The following COL28A1 variants were observed in gnomAD, a reference collection of about 807,000 sequenced individuals.
COL28A1 encodes collagen type XXVIII alpha 1 chain, also known as collagen alpha-1(XXVIII) chain.
COL28A1 carries 161 observed loss-of-function variants against 150.2 expected under a neutral mutation model. That is an observed-to-expected ratio of 1.07 (90% CI 0.94 to 1.22). The LOEUF (loss-of-function observed/expected upper bound fraction) is 1.22. COL28A1 is among the 50% of genes most tolerant of loss of function. The pLI is 0.00. For synonymous variants in COL28A1, 552 were observed against 469.7 expected, an observed-to-expected ratio of 1.18 and a Z score of -2.26; for missense variants, 1,617 against 1,388.3, an observed-to-expected ratio of 1.16 and a Z score of -2.62.
downstream of COL28A1, among the ~76,000 whole-genome samples, chr7:7,354,065 T>C (rs1470013790): frequency 6.6e-6 from 1 of 152,048 alleles, no homozygotes; most frequent in Non-Finnish European, 1.5e-5. Context: ...GGTGTCACTC[T>C]GACTGCAACC....
At chr7:7,490,428 T>G (rs990531372) in intron 12 of COL28A1, 150 bp downstream of exon 12, 8 of 462,350 alleles carry the variant, frequency 1.7e-5, no homozygotes, top group Non-Finnish European at 3.1e-5. Context: ...GACAAGCACA[T>G]TTCTGTGTCC....
chr7:7,427,008 G>A (rs1366608446), intron 25 of COL28A1, among the ~76,000 whole-genome samples: 3 of 152,198 alleles, frequency 2.0e-5, no homozygotes, highest in African/African-American at 7.2e-5. Flanking sequence ...TTATGGTGAT[G>A]TGGGCAATGA....
chr7:7,354,854 A>G (rs529423062), downstream of COL28A1, among the ~76,000 whole-genome samples: 49 of 152,268 alleles, frequency 3.2e-4, no homozygotes, highest in African/African-American at 1.2e-3. Context: ...TTCAAGGTGG[A>G]GTCACTCTGG....
intron 30 of COL28A1, 152 bp downstream of exon 30, chr7:7,380,508 T>C (rs867536905): frequency 1.5e-6 from 1 of 666,376 alleles, no homozygotes; most frequent in Non-Finnish European, 2.6e-6. Context: ...ACCTCATGCA[T>C]CTAAGCCAAC....
chr7:7,409,182 T>C (rs1023713480), intron 27 of COL28A1, among the ~76,000 whole-genome samples: 1 of 152,166 alleles, frequency 6.6e-6, no homozygotes, highest in Admixed American at 6.6e-5. Context: ...GAAAAATTTA[T>C]ACTAGTAACT....
At chr7:7,413,971 C>T (rs537280096) in intron 27 of COL28A1, among the ~76,000 whole-genome samples, 11 of 152,150 alleles carry the variant, frequency 7.2e-5, no homozygotes, top group African/African-American at 2.4e-4. Context: ...CTTCTGGGTC[C>T]TCTGAAAATA....
intron 6 of COL28A1, among the ~76,000 whole-genome samples, chr7:7,518,309 C>T (rs1461608151): frequency 4.0e-5 from 6 of 151,828 alleles, no homozygotes; most frequent in Non-Finnish European, 7.4e-5. Context: ...GGGTATTTAA[C>T]ACAAAAAAAA....
chr7:7,373,904 T>C lies in COL28A1; in HGVS notation c.2360-358A>G, dbSNP rs1210350057. Among the ~76,000 whole-genome samples, 4 of 151,318 alleles carry C rather than the reference T, an allele frequency of 2.6e-5. No homozygotes were observed. The highest frequency in any genetic ancestry group is 2.1e-4 in the South Asian group (1 of 4,824). On this transcript the variant is annotated intron_variant, in intron 31 of 34. Coordinates refer to ENST00000399429, the MANE Select transcript of COL28A1 (RefSeq NM_001037763.3). This position sits in a 1 kb window ranked among gnomAD's most constrained non-coding sequence, Gnocchi z 4.1. ...TTAGTAGAGACAGGGTTTCACCGTG[T>C]TAGCCAAGATGGTCTCGATCTCCTG...
intron 15 of COL28A1, among the ~76,000 whole-genome samples, chr7:7,465,433 C>G (rs60584532): frequency 1.5e-5 from 2 of 134,570 alleles, no homozygotes; most frequent in South Asian, 2.6e-4. Flanking sequence ...ACTATATCCC[C>G]CACCTGGCTC....
rs1268417140 is a variant in COL28A1, at chr7:7,381,401, G to A, written c.2205+143C>T. 2.6e-5 allele frequency: 17 copies of A among 650,308 alleles called. No individual in the cohort carries two copies. In the Middle Eastern group the frequency reaches 8.8e-4, roughly 34 times the overall value. The allele number at this position is 650,308 out of a possible 1,614,324, so 40.3% of individuals were successfully genotyped here. ...TTTATAGGTAGACAAAGCAATGCAC[G>A]AGGATTTTATTTTGAGTGGATTGTT... On this transcript the variant is annotated intron_variant, in intron 28 of 34. Coordinates refer to ENST00000399429, the MANE Select transcript of COL28A1 (RefSeq NM_001037763.3).
intron 25 of COL28A1, among the ~76,000 whole-genome samples, chr7:7,425,999 C>CT: frequency 6.6e-6 from 1 of 152,202 alleles, no homozygotes; most frequent in Non-Finnish European, 1.5e-5. Context: ...ATCATACTCT[C>CT]TCCCTTTGTG....
At chr7:7,487,681 A>C (rs1008640676) in intron 13 of COL28A1, among the ~76,000 whole-genome samples, 13 of 152,206 alleles carry the variant, frequency 8.5e-5, no homozygotes, top group African/African-American at 2.9e-4. Context: ...ATAGAAGTTA[A>C]AATTTGAGAC....
At chr7:7,453,812 T>C (rs1310228358) in intron 16 of COL28A1, among the ~76,000 whole-genome samples, 13 of 138,034 alleles carry the variant, frequency 9.4e-5, no homozygotes, top group Non-Finnish European at 1.8e-4. Context: ...AAGTGATGTG[T>C]GTAACTCCTG....
intron 11 of COL28A1, among the ~76,000 whole-genome samples, chr7:7,504,665 G>C (rs1780713530): frequency 6.6e-6 from 1 of 152,086 alleles, no homozygotes; most frequent in Non-Finnish European, 1.5e-5. Context: ...ACAGATGATG[G>C]GACCTCACTG....
At chr7:7,490,090 A>G (rs770183543) in intron 12 of COL28A1, among the ~76,000 whole-genome samples, 2 of 152,192 alleles carry the variant, frequency 1.3e-5, no homozygotes, top group Non-Finnish European at 2.9e-5. Flanking sequence ...CTTTATTAAT[A>G]TGTCCTGCAT....
chr7:7,339,273 G>A, the COL28A1 span, among the ~76,000 whole-genome samples: 1 of 151,950 alleles, frequency 6.6e-6, no homozygotes, highest in Non-Finnish European at 1.5e-5. Context: ...ACTACTCTTG[G>A]TCTCTTCACT....
rs1478247046 is a variant in COL28A1, at chr7:7,373,988, C to T, written c.2360-442G>A. On this transcript the variant is annotated intron_variant, in intron 31 of 34. Transcript: ENST00000399429. The surrounding 1 kb of genome is among the most constrained non-coding windows in gnomAD (Gnocchi z 4.1). Reference sequence around the variant, plus strand: ...TGCTGGGATTACAGGCGTGAGCCACCGCGCCCGGCCCCTTCTGGTTTCTAT... The same window carrying T: ...TGCTGGGATTACAGGCGTGAGCCACTGCGCCCGGCCCCTTCTGGTTTCTAT... Among the ~76,000 whole-genome samples the T allele has an allele frequency of 6.0e-4, 87 of 145,612 alleles. 1 individual carries two copies. The highest frequency in any genetic ancestry group is 2.0e-3 in the African/African-American group (78 of 38,912).
At chr7:7,517,599 ACT>A (rs1200335060) in intron 7 of COL28A1, among the ~76,000 whole-genome samples, 195 bp downstream of exon 7, 2 of 151,946 alleles carry the variant, frequency 1.3e-5, no homozygotes, top group Non-Finnish European at 2.9e-5. Flanking sequence ...TCCCATTTTC[ACT>A]CTGTTAGCTG....
chr7:7,496,675 G>A (rs952360151), intron 11 of COL28A1, among the ~76,000 whole-genome samples: 1 of 152,066 alleles, frequency 6.6e-6, no homozygotes, highest in Non-Finnish European at 1.5e-5. Context: ...ATTTCTCTAA[G>A]ACAATACATA....
Sources: allele counts gnomAD v4.1 joint callset (sites outside exome capture counted in the v4.1 genomes callset), GRCh38; gene constraint gnomAD v4.1.1; non-coding constraint Gnocchi (gnomAD v3.1); transcripts MANE v1.5; gene names NCBI Gene and HGNC (gene_info 2026-07-23, HGNC 2026-07-21).